The following ST8SIA5 variants were observed in gnomAD, a reference collection of about 807,000 sequenced individuals.
ST8SIA5 encodes the protein alpha-2,8-sialyltransferase 8E.
Under a neutral mutation model 40.2 loss-of-function variants are expected in ST8SIA5, and 24 were observed. The ratio of observed to expected loss-of-function variants is 0.60; its 90% CI spans 0.43 to 0.84. ST8SIA5 has a LOEUF of 0.84. Among genes scored for constraint, ST8SIA5 ranks in the 40% least tolerant of loss-of-function variants. ST8SIA5 has a pLI of 0.00. For missense variants in ST8SIA5, 465 were observed against 498.5 expected (o/e 0.93, Z 0.64); for synonymous variants, 198 against 201.8 (o/e 0.98, Z 0.16).
intron 1 of ST8SIA5, among the ~76,000 whole-genome samples, chr18:46,719,441 G>A (rs572388479): frequency 6.6e-5 from 10 of 152,136 alleles, no homozygotes; most frequent in Non-Finnish European, 1.5e-4. Context: ...ACAGGTAACA[G>A]GAAGAAAGGC....
rs2039982959 is a variant in ST8SIA5 at position 46,731,331 on chromosome 18, G to A, written c.131+25047C>T. ...GGGATGGTAGCGACGATGATGGCTG[G>A]TATTAACACAAAAATGAAAAATAAG... is the stretch of plus-strand genomic sequence containing the variant. On this transcript the variant is annotated intron_variant, in intron 1 of 6. Transcript: ENST00000315087. Among the ~76,000 whole-genome samples the A allele has an allele frequency of 3.9e-5, 6 of 152,346 alleles. No individual in the cohort carries two copies. In the South Asian group the frequency reaches 1.0e-3, roughly 26 times the overall value.
chr18:46,680,384 G>A lies in ST8SIA5; in HGVS notation c.789C>T (p.Tyr263=), dbSNP rs375964600. 3 of 1,614,030 alleles carry A rather than the reference G, an allele frequency of 1.9e-6. No individual in the cohort carries two copies. The highest frequency in any genetic ancestry group is 1.7e-5 in the Admixed American group (1 of 59,990). The change falls in exon 7 of 7, where the codon TAC becomes TAT. Residue 263 remains tyrosine, a synonymous_variant. Transcript: ENST00000315087. The stretch of plus-strand genomic sequence containing the variant: ...GCGGCGATTCGAAGTCGTCCAGCAC[G>A]TACTTGACGCGGATGGACACGTCGG... ...RNTDVSIRVK[Y]VLDDFESPQA...
At chr18:46,751,224 A>G (rs994152894) in intron 1 of ST8SIA5, among the ~76,000 whole-genome samples, 5 of 152,136 alleles carry the variant, frequency 3.3e-5, no homozygotes, top group Non-Finnish European at 5.9e-5. Flanking sequence ...TTGGAATCAT[A>G]GAGTATTTGT....
rs1438805445 is a variant in ST8SIA5, at chr18:46,699,554, T to C, written c.224+5018A>G. Among the ~76,000 whole-genome samples, 3 of 152,088 alleles carry C rather than the reference T, an allele frequency of 2.0e-5. No individual in the cohort carries two copies. The East Asian group carries it at 5.8e-4, about 29-fold the overall frequency. ...GCTACTACGCCTGGCTAATTTTTTG[T>C]ATATTCAGTAGAGACGGGGTTTCAC... On this transcript the variant is annotated intron_variant, in intron 2 of 6. Transcript: ENST00000315087.
intron 1 of ST8SIA5, among the ~76,000 whole-genome samples, chr18:46,708,754 C>T (rs2039693476): frequency 6.6e-6 from 1 of 152,220 alleles, no homozygotes; most frequent in African/African-American, 2.4e-5. Flanking sequence ...CACACTTCCC[C>T]CTCGCTCCCT....
chr18:46,680,526 G>T lies in ST8SIA5; in HGVS notation c.663-16C>A. The T allele has an allele frequency of 6.4e-7, 1 of 1,550,836 alleles. No individual in the cohort carries two copies. The highest frequency in any genetic ancestry group is 8.7e-7 in the Non-Finnish European group (1 of 1,144,062). On this transcript the variant is annotated splice_polypyrimidine_tract_variant and intron_variant, in intron 6 of 6. Coordinates refer to ENST00000315087, the MANE Select transcript of ST8SIA5 (RefSeq NM_013305.6). ...CTTGTGGAACCTACACAGGGCGCGA[G>T]TGAGAGGTGAGCACCCACTCCTCCG...
At chr18:46,730,741 C>T (rs1389168740) in intron 1 of ST8SIA5, among the ~76,000 whole-genome samples, 3 of 152,092 alleles carry the variant, frequency 2.0e-5, no homozygotes, top group Non-Finnish European at 4.4e-5. Context: ...GTTGAGGCTG[C>T]AATTAGTCAT....
chr18:46,709,901 CCTT>C (rs1353744370), intron 1 of ST8SIA5, among the ~76,000 whole-genome samples: 1 of 152,058 alleles, frequency 6.6e-6, no homozygotes, highest in Non-Finnish European at 1.5e-5. Flanking sequence ...AAGTCCCAGA[CCTT>C]CTTCTAACTA....
chr18:46,752,012 C>T (rs151107368), intron 1 of ST8SIA5, among the ~76,000 whole-genome samples: 212 of 152,232 alleles, frequency 1.4e-3, no homozygotes, highest in African/African-American at 4.3e-3. Flanking sequence ...TCACAGGGTC[C>T]CTACTTTCTT....
At chr18:46,681,790 T>C (rs1417465466) in intron 6 of ST8SIA5, among the ~76,000 whole-genome samples, 182 bp downstream of exon 6, 2 of 152,270 alleles carry the variant, frequency 1.3e-5, no homozygotes, top group East Asian at 1.9e-4. Flanking sequence ...AACGTGTAAT[T>C]AATATAACAA....
chr18:46,682,440 A>G (rs1370592345), intron 5 of ST8SIA5, among the ~76,000 whole-genome samples: 1 of 152,208 alleles, frequency 6.6e-6, no homozygotes, highest in Non-Finnish European at 1.5e-5. Flanking sequence ...GCTTGAGCAG[A>G]GGTCTGAAGG....
intron 3 of ST8SIA5, among the ~76,000 whole-genome samples, chr18:46,691,248 C>T (rs1342832735): frequency 6.6e-6 from 1 of 152,244 alleles, no homozygotes; most frequent in Non-Finnish European, 1.5e-5. Context: ...AGTGTTATCA[C>T]TTTAAACATT....
At chr18:46,749,658 A>T (rs1432530695) in intron 1 of ST8SIA5, among the ~76,000 whole-genome samples, 12 of 152,244 alleles carry the variant, frequency 7.9e-5, no homozygotes, top group Admixed American at 2.6e-4. Flanking sequence ...AATGGTTAGA[A>T]AATATAACTT....
intron 1 of ST8SIA5, among the ~76,000 whole-genome samples, chr18:46,738,786 C>A (rs534795884): frequency 2.0e-5 from 3 of 152,054 alleles, no homozygotes; most frequent in Admixed American, 6.6e-5. Flanking sequence ...TCCCCTGGGT[C>A]GGGGGAGAGT....
intron 1 of ST8SIA5, among the ~76,000 whole-genome samples, chr18:46,724,989 GAGGAAGGAAGGAAGGA>G (rs60444300): frequency 0.011 from 1,079 of 99,730 alleles, 23 homozygotes; most frequent in African/African-American, 0.026. Context: ...GAAAGAGAGA[GAGGAAGGAAGGAAGGA>G]AGGAAGGAAG....
chr18:46,737,154 T>C (rs2040043058), intron 1 of ST8SIA5, among the ~76,000 whole-genome samples: 1 of 152,206 alleles, frequency 6.6e-6, no homozygotes, highest in Admixed American at 6.5e-5. Flanking sequence ...TTCCATCACC[T>C]GCTCCTCCTG....
At chr18:46,726,230 A>C in intron 1 of ST8SIA5, among the ~76,000 whole-genome samples, 1 of 151,172 alleles carries the variant, frequency 6.6e-6, no homozygotes, top group Admixed American at 6.6e-5. Context: ...TTGTAAAAAA[A>C]TTTAAAAAAT....
Position 46,675,483 on chromosome 18 carries a change from A to G in ST8SIA5, c.*4559T>C, listed in dbSNP as rs561780567. ...CATGTTGAGGTCTGAGATGCTGTGCAGACACAGACATGCAGGAGGCCACAG... is the reference window on the plus strand; with the variant it reads ...CATGTTGAGGTCTGAGATGCTGTGCGGACACAGACATGCAGGAGGCCACAG... On this transcript the variant is annotated 3_prime_UTR_variant, in exon 7 of 7. Transcript: ENST00000315087. 1.3e-5 allele frequency: 2 copies of G among 152,350 alleles called. No homozygotes were observed. Among genetic ancestry groups the G allele is most frequent in the Non-Finnish European group, 2.9e-5 (2 of 68,044 alleles). 9.4% of individuals were successfully genotyped at this position (152,350 alleles called of 1,614,324 possible).
chr18:46,733,944 G>C (rs913293062), intron 1 of ST8SIA5, among the ~76,000 whole-genome samples: 2 of 152,154 alleles, frequency 1.3e-5, no homozygotes, highest in African/African-American at 4.8e-5. Context: ...AACTCAGCCA[G>C]GAGTCTCTGT....
Sources: allele counts gnomAD v4.1 joint callset (sites outside exome capture counted in the v4.1 genomes callset), GRCh38; gene constraint gnomAD v4.1.1; transcripts MANE v1.5; gene names NCBI Gene and HGNC (gene_info 2026-07-23, HGNC 2026-07-21).